SLC9A8: variants seen among roughly 807,000 people sequenced by gnomAD.
SLC9A8 encodes sodium/hydrogen exchanger 8.
In SLC9A8, 48 loss-of-function variants were observed where a neutral mutation model predicts 66.6. The ratio of observed to expected loss-of-function variants is 0.72; its 90% CI spans 0.57 to 0.92. The LOEUF is 0.92. Among genes scored for constraint, SLC9A8 ranks in the 40% least tolerant of loss-of-function variants. The probability of loss-of-function intolerance (pLI) is 0.00; values close to 1 mark genes in which losing one functional copy is unlikely to be tolerated. For missense variants in SLC9A8, 599 were observed against 747.3 expected (o/e 0.80, Z 2.31); for synonymous variants, 274 against 282.6 (o/e 0.97, Z 0.31).
Position 49,819,464 on chromosome 20 carries a change from C to T in SLC9A8, c.209-3597C>T, listed in dbSNP as rs79363579. Among the ~76,000 whole-genome samples, 1,034 of 152,224 alleles carry T rather than the reference C, an allele frequency of 6.8e-3. 8 individuals are homozygous for T. The highest frequency in any genetic ancestry group is 0.023 in the African/African-American group (965 of 41,542). On this transcript the variant is annotated intron_variant, in intron 2 of 15. Coordinates refer to ENST00000361573, the MANE Select transcript of SLC9A8 (RefSeq NM_015266.3). Reference sequence around the variant, plus strand: ...TTTTGACATAAATGGGGTCCCATAACTTGCCTTTTCATCTCACAGAATGTC... The same window carrying T: ...TTTTGACATAAATGGGGTCCCATAATTTGCCTTTTCATCTCACAGAATGTC...
intron 10 of SLC9A8, among the ~76,000 whole-genome samples, chr20:49,871,540 A>ACCC (rs1251736723): frequency 6.6e-6 from 1 of 152,126 alleles, no homozygotes; most frequent in Non-Finnish European, 1.5e-5. Flanking sequence ...GTTTGCACCA[A>ACCC]CCCCCGCTTT....
rs2146812690 is a variant in SLC9A8 at position 49,891,723 on chromosome 20, T to G, written c.*3787T>G. The G allele has an allele frequency of 6.6e-6, 1 of 152,426 alleles. No homozygotes were observed. Among genetic ancestry groups the G allele is most frequent in the East Asian group, 1.9e-4 (1 of 5,188 alleles). The allele number at this position is 152,426 out of a possible 1,614,324, so 9.4% of individuals were successfully genotyped here. Reference sequence around the variant, plus strand: ...TGTGCATCCGTGGTCAAAAGTCAGCTGCCAGCCCTGCGGAACCAGAGCCTC... The same window carrying G: ...TGTGCATCCGTGGTCAAAAGTCAGCGGCCAGCCCTGCGGAACCAGAGCCTC... On this transcript the variant is annotated 3_prime_UTR_variant, in exon 16 of 16. Coordinates refer to ENST00000361573, the MANE Select transcript of SLC9A8 (RefSeq NM_015266.3).
intron 1 of SLC9A8, among the ~76,000 whole-genome samples, chr20:49,813,207 A>G (rs954786151): frequency 6.6e-6 from 1 of 152,234 alleles, no homozygotes; most frequent in African/African-American, 2.4e-5. Flanking sequence ...CTTGCGGAAA[A>G]TACAAACCAT....
At chr20:49,863,962 A>G (rs2088855119) in intron 9 of SLC9A8, 1 of 152,214 alleles carries the variant, frequency 6.6e-6, no homozygotes, top group African/African-American at 2.4e-5. Context: ...TTTGTCCAGA[A>G]GTCTAAGGGC....
At chr20:49,819,289 C>T (rs1254209600) in intron 2 of SLC9A8, among the ~76,000 whole-genome samples, 1 of 152,184 alleles carries the variant, frequency 6.6e-6, no homozygotes, top group African/African-American at 2.4e-5. Flanking sequence ...ATTGAAAGCA[C>T]ACCCTCCATA....
chr20:49,868,513 A>G (rs1256815565), intron 10 of SLC9A8, among the ~76,000 whole-genome samples: 2 of 152,214 alleles, frequency 1.3e-5, no homozygotes, highest in Non-Finnish European at 2.9e-5. Flanking sequence ...TTTCCTGACT[A>G]TCACAAAGGA....
Position 49,841,835 on chromosome 20 carries a change from T to G in SLC9A8, c.348+2236T>G, listed in dbSNP as rs1158690992. 4.0e-5 allele frequency among the ~76,000 whole-genome samples: 6 copies of G among 151,772 alleles called. No homozygotes were observed. In the South Asian group the frequency reaches 1.2e-3, roughly 32 times the overall value. On this transcript the variant is annotated intron_variant, in intron 4 of 15. Transcript: ENST00000361573. ...GTCTCGAACTCCTGACCTCAAGTAA[T>G]CCACCCACCTTGTCCTCCCAAAGTG...
chr20:49,870,497 C>T (rs766532211), intron 10 of SLC9A8, among the ~76,000 whole-genome samples: 14 of 152,030 alleles, frequency 9.2e-5, no homozygotes, highest in Non-Finnish European at 1.5e-4. Flanking sequence ...GATAGATGTG[C>T]GGGAGTGTGG....
chr20:49,852,886 C>T (rs1371850959), intron 7 of SLC9A8, among the ~76,000 whole-genome samples: 1 of 151,418 alleles, frequency 6.6e-6, no homozygotes, highest in East Asian at 1.9e-4. Context: ...TTTATTTTGC[C>T]AAGGTTGAGC....
intron 9 of SLC9A8, 97 bp downstream of exon 9, chr20:49,863,164 A>G (rs572940671): frequency 8.5e-7 from 1 of 1,171,266 alleles, no homozygotes; most frequent in East Asian, 2.5e-5. Flanking sequence ...GGCCAATTTT[A>G]GATGAAGATT....
In SLC9A8 at chr20:49,855,462, T is replaced by G; in HGVS notation, c.594T>G (p.Ser198=). The G allele has an allele frequency of 6.2e-7, 1 of 1,614,238 alleles. No individual in the cohort carries two copies. Among genetic ancestry groups the G allele is most frequent in the Non-Finnish European group, 8.5e-7 (1 of 1,180,030 alleles). ...TDSFAFGSLI[S]AVDPVATIAI... Reference sequence around the variant, plus strand: ...GTTTTGCGTTTGGCTCCCTAATATCTGCTGTCGATCCAGTGGCCACTATTG... The same window carrying G: ...GTTTTGCGTTTGGCTCCCTAATATCGGCTGTCGATCCAGTGGCCACTATTG... The change falls in exon 8 of 16, where the codon TCT becomes TCG. Residue 198 remains serine (S), a synonymous_variant. Coordinates refer to ENST00000361573, the MANE Select transcript of SLC9A8 (RefSeq NM_015266.3).
At chr20:49,839,175 A>C (rs1466592061) in intron 3 of SLC9A8, among the ~76,000 whole-genome samples, 1 of 152,216 alleles carries the variant, frequency 6.6e-6, no homozygotes, top group African/African-American at 2.4e-5. Flanking sequence ...AAAATGATGG[A>C]AATAAACAGT....
Position 49,865,239 on chromosome 20 carries a change from C to T in SLC9A8, c.958+395C>T, listed in dbSNP as rs143887948. On this transcript the variant is annotated intron_variant, in intron 10 of 15. Coordinates refer to ENST00000361573, the MANE Select transcript of SLC9A8 (RefSeq NM_015266.3). The stretch of plus-strand genomic sequence containing the variant: ...GTCACAGCTGGGATTGGTGGAACAA[C>T]GATTCAAACTAGTTGTCTTGGAGTC... Among the ~76,000 whole-genome samples, 43 of 152,216 alleles carry T rather than the reference C, an allele frequency of 2.8e-4. No individual in the cohort carries two copies. In the East Asian group the frequency reaches 8.1e-3, roughly 29 times the overall value.
intron 3 of SLC9A8, among the ~76,000 whole-genome samples, chr20:49,832,752 G>A (rs1033328220): frequency 3.3e-5 from 5 of 150,168 alleles, no homozygotes; most frequent in East Asian, 2.0e-4. Context: ...CACAAAGCCT[G>A]TTCTAGTCTT....
chr20:49,845,279 C>G (rs550905990), intron 5 of SLC9A8, among the ~76,000 whole-genome samples, 160 bp downstream of exon 5: 2 of 152,362 alleles, frequency 1.3e-5, no homozygotes, highest in East Asian at 1.9e-4. Context: ...TGCCTGACTT[C>G]TGGAGAGGAG....
At chr20:49,842,140 G>A (rs998718200) in intron 4 of SLC9A8, among the ~76,000 whole-genome samples, 4 of 151,598 alleles carry the variant, frequency 2.6e-5, no homozygotes, top group Non-Finnish European at 5.9e-5. Flanking sequence ...CGTGGTCTCA[G>A]CTCACTGCAA....
Position 49,823,054 on chromosome 20 carries a change from T to C in SLC9A8, c.209-7T>C, listed in dbSNP as rs758227694. The C allele has an allele frequency of 3.0e-5, 48 of 1,608,092 alleles. No homozygotes were observed. Among genetic ancestry groups the C allele is most frequent in the African/African-American group, 9.4e-5 (7 of 74,800 alleles). ...TTTAAAACATTGTATTATTTTTTTTTCCACAGCTATCTGCATCATATTGGT... is the reference window on the plus strand; with the variant it reads ...TTTAAAACATTGTATTATTTTTTTTCCCACAGCTATCTGCATCATATTGGT... On this transcript the variant is annotated splice_polypyrimidine_tract_variant and splice_region_variant and intron_variant, in intron 2 of 15. Transcript: ENST00000361573.
intron 2 of SLC9A8, 124 bp from the exon 3 acceptor site, chr20:49,822,937 G>C (rs150596807): frequency 1.3e-6 from 1 of 746,336 alleles, no homozygotes; most frequent in African/African-American, 1.8e-5. Flanking sequence ...GAAGTTCACT[G>C]TGTTATTCCA....
chr20:49,813,183 G>C (rs2086421565), intron 1 of SLC9A8, among the ~76,000 whole-genome samples: 1 of 152,244 alleles, frequency 6.6e-6, no homozygotes, highest in Non-Finnish European at 1.5e-5. Context: ...CCCAGCGCAG[G>C]CCCGGAGAGC....
Sources: allele counts gnomAD v4.1 joint callset (sites outside exome capture counted in the v4.1 genomes callset), GRCh38; gene constraint gnomAD v4.1.1; transcripts MANE v1.5; gene names NCBI Gene and HGNC (gene_info 2026-07-23, HGNC 2026-07-21).